TTLL11: variants seen among roughly 807,000 people sequenced by gnomAD.
The protein encoded by TTLL11 is tubulin polyglutamylase TTLL11.
A neutral mutation model predicts 51.7 loss-of-function variants in TTLL11; 42 were observed. The ratio of observed to expected loss-of-function variants is 0.81; its 90% CI spans 0.64 to 1.05. The LOEUF (loss-of-function observed/expected upper bound fraction) is 1.05, where lower values mean the gene tolerates loss of function less well. Among genes scored for constraint, TTLL11 ranks in the 50% least tolerant of loss-of-function variants. TTLL11 has a pLI of 0.00. For missense variants in TTLL11, 799 were observed against 940.4 expected (o/e 0.85, Z 1.97); for synonymous variants, 381 against 383.5 (o/e 0.99, Z 0.08).
At chr9:122,052,412 G>A (rs1845186279) in intron 1 of TTLL11, among the ~76,000 whole-genome samples, 1 of 152,226 alleles carries the variant, frequency 6.6e-6, no homozygotes, top group Non-Finnish European at 1.5e-5. Context: ...CCACCTGTGG[G>A]AGCAACTCCA....
At chr9:121,828,546 A>G (rs944361939) in intron 8 of TTLL11, among the ~76,000 whole-genome samples, 3 of 152,104 alleles carry the variant, frequency 2.0e-5, no homozygotes, top group Non-Finnish European at 2.9e-5. Flanking sequence ...CTTTATAACC[A>G]TTATTTTAAT....
intron 3 of TTLL11, among the ~76,000 whole-genome samples, chr9:122,027,974 C>A (rs941399769): frequency 6.6e-6 from 1 of 152,012 alleles, no homozygotes; most frequent in African/African-American, 2.4e-5. Flanking sequence ...AAACAGATGA[C>A]GATAGCACAA....
chr9:121,916,314 C>G (rs1187660959), intron 6 of TTLL11, among the ~76,000 whole-genome samples: 1 of 152,114 alleles, frequency 6.6e-6, no homozygotes, highest in African/African-American at 2.4e-5. Flanking sequence ...ATAAATTTGT[C>G]TCTCTTTACA....
chr9:122,021,063 G>C (rs1016983588), intron 3 of TTLL11, among the ~76,000 whole-genome samples: 25 of 152,178 alleles, frequency 1.6e-4, no homozygotes, highest in Non-Finnish European at 7.3e-5. Flanking sequence ...ACAGAAACTA[G>C]ATTGACTCTT....
At chr9:122,037,947 C>A (rs1844748379) in intron 2 of TTLL11, among the ~76,000 whole-genome samples, 2 of 152,088 alleles carry the variant, frequency 1.3e-5, no homozygotes, top group African/African-American at 4.8e-5. Flanking sequence ...GTGTTTTCTG[C>A]AATGCGTTTT....
At chr9:122,051,810 C>T (rs1845168405) in intron 1 of TTLL11, among the ~76,000 whole-genome samples, 1 of 152,152 alleles carries the variant, frequency 6.6e-6, no homozygotes, top group African/African-American at 2.4e-5. Context: ...ATCTGACACA[C>T]ACCCAAACCT....
intron 6 of TTLL11, among the ~76,000 whole-genome samples, chr9:121,923,494 G>A (rs1456319306): frequency 8.6e-5 from 13 of 151,982 alleles, no homozygotes; most frequent in Admixed American, 8.5e-4. Flanking sequence ...CCTTACTGTT[G>A]TTTGTTCCAA....
intron 7 of TTLL11, among the ~76,000 whole-genome samples, chr9:121,865,182 G>A (rs1487421520): frequency 1.3e-5 from 2 of 152,114 alleles, no homozygotes; most frequent in Non-Finnish European, 2.9e-5. Flanking sequence ...ATGACAGAGG[G>A]GGAAGCAAGG....
chr9:121,855,655 G>A (rs538291441), intron 8 of TTLL11, among the ~76,000 whole-genome samples: 3 of 152,268 alleles, frequency 2.0e-5, no homozygotes, highest in South Asian at 2.1e-4. Context: ...GAGGAGGGGA[G>A]GGAGACCCTG....
chr9:121,911,923 A>G (rs1840134815), intron 6 of TTLL11, among the ~76,000 whole-genome samples: 1 of 152,230 alleles, frequency 6.6e-6, no homozygotes, highest in South Asian at 2.1e-4. Context: ...CAGAACTTAA[A>G]GTATAATAAA....
At chr9:121,874,415 C>T (rs1838487340) in intron 6 of TTLL11, among the ~76,000 whole-genome samples, 1 of 152,122 alleles carries the variant, frequency 6.6e-6, no homozygotes, top group Admixed American at 6.5e-5. Flanking sequence ...GTAAGTCATG[C>T]TCTTTGTAGA....
At chr9:122,069,911 G>T (rs1189867235) in intron 1 of TTLL11, among the ~76,000 whole-genome samples, 2 of 151,258 alleles carry the variant, frequency 1.3e-5, no homozygotes, top group Non-Finnish European at 3.0e-5. Flanking sequence ...GGCACCGCTG[G>T]CCCCACCTTA....
At chr9:122,080,016 G>A (rs1002897689) in intron 1 of TTLL11, among the ~76,000 whole-genome samples, 4 of 152,140 alleles carry the variant, frequency 2.6e-5, no homozygotes, top group African/African-American at 4.8e-5. Flanking sequence ...AGCCAAGCAT[G>A]TCTACTGAAT....
chr9:121,904,451 A>G (rs1024137160), intron 6 of TTLL11, among the ~76,000 whole-genome samples: 16 of 152,216 alleles, frequency 1.1e-4, no homozygotes, highest in African/African-American at 3.9e-4. Context: ...CTGGGATTAC[A>G]GGCGTGAGCC....
chr9:121,871,543 T>C (rs7860920), intron 6 of TTLL11, among the ~76,000 whole-genome samples: 111,479 of 152,046 alleles, frequency 0.73, 41,478 homozygotes, highest in East Asian at 0.9. Flanking sequence ...CTGCCCCTGC[T>C]TGGACTGTAG....
In TTLL11 at chr9:121,998,416, A is replaced by G. The variant is rs1427318759; in HGVS notation, c.694-8646T>C. Among the ~76,000 whole-genome samples, 3 of 151,964 alleles carry G rather than the reference A, an allele frequency of 2.0e-5. No individual in the cohort carries two copies. In the East Asian group the frequency reaches 5.8e-4, roughly 29 times the overall value. On this transcript the variant is annotated intron_variant, in intron 3 of 8. Coordinates refer to ENST00000321582, the MANE Select transcript of TTLL11 (RefSeq NM_001139442.2). ...ATTCTCGTGCCTCAGCCTCCCGAGT[A>G]GCTGGGATTACAGGCACCCGCCACC...
At chr9:121,987,007 G>A (rs1842959230) in intron 4 of TTLL11, among the ~76,000 whole-genome samples, 1 of 151,820 alleles carries the variant, frequency 6.6e-6, no homozygotes, top group Admixed American at 6.6e-5. Context: ...TATGTGTAGT[G>A]GAAAAGAATG....
intron 6 of TTLL11, among the ~76,000 whole-genome samples, chr9:121,924,762 CTTTT>C (rs762402616): frequency 2.2e-5 from 3 of 139,388 alleles, no homozygotes; most frequent in Non-Finnish European, 1.6e-5. Flanking sequence ...ATAACAAGCA[CTTTT>C]TTTTTTTTTT....
intron 3 of TTLL11, among the ~76,000 whole-genome samples, chr9:122,030,205 G>A (rs570089124): frequency 4.8e-5 from 6 of 126,198 alleles, no homozygotes; most frequent in Middle Eastern, 3.5e-3. Flanking sequence ...GAGACATTGG[G>A]GGGGGGGGGG....
Sources: gnomAD v4.1 joint callset for allele counts (sites outside exome capture counted in the v4.1 genomes callset) on GRCh38, gnomAD v4.1.1 for gene constraint, MANE v1.5 for transcripts, NCBI Gene and HGNC (gene_info 2026-07-23, HGNC 2026-07-21) for gene names.